Variants in UNC79 observed in about 807,000 individuals in gnomAD.
UNC79 encodes the protein protein unc-79 homolog.
A neutral mutation model predicts 283.1 loss-of-function variants in UNC79; 37 were observed. That is an observed-to-expected ratio of 0.13 (90% confidence interval 0.10 to 0.17). The LOEUF (loss-of-function observed/expected upper bound fraction) is 0.17, where lower values mean the gene tolerates loss of function less well. Among genes scored for constraint, UNC79 ranks in the 10% least tolerant of loss-of-function variants. The pLI is 1.00. For missense variants in UNC79, 2,272 were observed against 3,211.1 expected (o/e 0.71, Z 7.07); for synonymous variants, 1,107 against 1,200.2 (o/e 0.92, Z 1.61).
chr14:93,690,534 T>C lies in UNC79; in HGVS notation c.7272+231T>C, dbSNP rs1333625712. The C allele has an allele frequency of 1.1e-5, 5 of 450,264 alleles. No individual in the cohort carries two copies. The highest frequency in any genetic ancestry group is 1.5e-5 in the Non-Finnish European group (4 of 261,162). 27.9% of individuals were successfully genotyped at this position (450,264 alleles called of 1,614,324 possible). ...GGCTTACTTTTATAAAGATAAATCA[T>C]GGAGTCAAGCAAGAGTTGGCTTCCC... On this transcript the variant is annotated intron_variant, in intron 45 of 48. Coordinates refer to ENST00000555664, the Ensembl canonical transcript of UNC79. The surrounding 1 kb of genome is among the most constrained non-coding windows in gnomAD (Gnocchi z 4.3).
intron 7 of UNC79, among the ~76,000 whole-genome samples, chr14:93,522,789 A>G (rs376381367): frequency 1.3e-5 from 2 of 152,108 alleles, no homozygotes; most frequent in South Asian, 4.1e-4. Flanking sequence ...AAATAAATAG[A>G]CCTGTTGTAT....
chr14:93,517,413 G>T (rs1595721677), intron 7 of UNC79, among the ~76,000 whole-genome samples: 1 of 144,602 alleles, frequency 6.9e-6, no homozygotes, highest in African/African-American at 2.6e-5. Context: ...CCCAATCTTT[G>T]GGGAGAGTAT....
chr14:93,393,379 T>C (rs976118195), intron 1 of UNC79, among the ~76,000 whole-genome samples: 5 of 152,224 alleles, frequency 3.3e-5, no homozygotes, highest in Non-Finnish European at 7.3e-5. Flanking sequence ...CTGGTCCTTA[T>C]ATTTGATGAC....
intron 1 of UNC79, among the ~76,000 whole-genome samples, chr14:93,438,089 C>G (rs1050035099): frequency 6.6e-6 from 1 of 152,098 alleles, no homozygotes; most frequent in Non-Finnish European, 1.5e-5. Context: ...TTTGTGTCAA[C>G]TACCAAAACA....
intron 22 of UNC79, among the ~76,000 whole-genome samples, chr14:93,592,640 T>C (rs1245471802): frequency 1.3e-5 from 2 of 152,168 alleles, no homozygotes; most frequent in Non-Finnish European, 2.9e-5. Flanking sequence ...AAGGGTCAAC[T>C]GTAGTTTTGA....
rs541536288 is a variant in UNC79, at chr14:93,602,660, G to A, written c.3575-579G>A. ...GAAGAATGATGATGGTACTTTGATGGGAATTGCATTGAATCTGCTGCCCAG... is the reference window on the plus strand; with the variant it reads ...GAAGAATGATGATGGTACTTTGATGAGAATTGCATTGAATCTGCTGCCCAG... On this transcript the variant is annotated intron_variant, in intron 25 of 48. Transcript: ENST00000555664. Among the ~76,000 whole-genome samples, 5 of 152,188 alleles carry A rather than the reference G, an allele frequency of 3.3e-5. No individual in the cohort carries two copies. In the South Asian group the frequency reaches 1.0e-3, roughly 32 times the overall value.
exon 46 of UNC79, chr14:93,691,936 A>G: frequency 3.1e-6 from 5 of 1,614,198 alleles, no homozygotes; most frequent in East Asian, 2.2e-5. Context: ...CTAATGGCCC[A>G]TAACAAAGTG....
At chr14:93,421,546 TC>T (rs1217348094) in intron 1 of UNC79, among the ~76,000 whole-genome samples, 2 of 151,598 alleles carry the variant, frequency 1.3e-5, no homozygotes, top group African/African-American at 4.8e-5. Flanking sequence ...GTACCAGTCC[TC>T]TTCAAACATA....
intron 1 of UNC79, among the ~76,000 whole-genome samples, chr14:93,449,108 A>G (rs955416723): frequency 6.6e-6 from 1 of 152,044 alleles, no homozygotes. Context: ...CCATCCTTTC[A>G]TATTTAGTCC....
At chr14:93,640,305 C>A (rs1218666866) in intron 32 of UNC79, among the ~76,000 whole-genome samples, 1 of 152,174 alleles carries the variant, frequency 6.6e-6, no homozygotes, top group Non-Finnish European at 1.5e-5. Flanking sequence ...TTCAAAAAAA[C>A]TTGATATCAC....
intron 1 of UNC79, among the ~76,000 whole-genome samples, chr14:93,415,642 T>A (rs2055436965): frequency 6.6e-6 from 1 of 151,942 alleles, no homozygotes; most frequent in Non-Finnish European, 1.5e-5. Context: ...TGTGAATCCA[T>A]CTGGTCCTGG....
At chr14:93,348,592 G>T (rs1390233498) in intron 1 of UNC79, among the ~76,000 whole-genome samples, 1 of 150,984 alleles carries the variant, frequency 6.6e-6, no homozygotes, top group Non-Finnish European at 1.5e-5. Flanking sequence ...AATTTGCTGT[G>T]AGAAGTACAA....
chr14:93,345,522 TACTA>T (rs748172505), intron 1 of UNC79, among the ~76,000 whole-genome samples: 11 of 152,196 alleles, frequency 7.2e-5, no homozygotes, highest in Non-Finnish European at 1.5e-4. Context: ...ATCTATAAAA[TACTA>T]ACAGGTGACT....
At chr14:93,404,743 T>C (rs2055193054) in intron 1 of UNC79, among the ~76,000 whole-genome samples, 1 of 151,180 alleles carries the variant, frequency 6.6e-6, no homozygotes, top group Non-Finnish European at 1.5e-5. Flanking sequence ...AAGATTCAAC[T>C]CCTCTCTTAA....
At chr14:93,567,643 A>G (rs1161242750) in intron 14 of UNC79, among the ~76,000 whole-genome samples, 1 of 152,200 alleles carries the variant, frequency 6.6e-6, no homozygotes, top group African/African-American at 2.4e-5. Context: ...CAATTTGTGA[A>G]TTGTTTATTG....
At chr14:93,518,474 A>G (rs1449783568) in intron 7 of UNC79, among the ~76,000 whole-genome samples, 1 of 137,494 alleles carries the variant, frequency 7.3e-6, no homozygotes, top group African/African-American at 2.7e-5. Flanking sequence ...GCTGGGGCCT[A>G]TCAAGTTTTT....
Position 93,606,129 on chromosome 14 carries a change from C to T in UNC79, c.3754+2711C>T, listed in dbSNP as rs146759876. Among the ~76,000 whole-genome samples the T allele has an allele frequency of 9.9e-5, 15 of 152,246 alleles. No individual in the cohort carries two copies. In the East Asian group the frequency reaches 2.7e-3, roughly 27 times the overall value. ...TCTAGCTTGTCTCTTTGTCTTAAAG[C>T]TTAGCTGAGAAGCTAGTCTTTCATG... On this transcript the variant is annotated intron_variant, in intron 26 of 48. Transcript: ENST00000555664.
intron 22 of UNC79, among the ~76,000 whole-genome samples, chr14:93,589,073 T>C (rs2064459386): frequency 6.6e-6 from 1 of 152,122 alleles, no homozygotes; most frequent in Non-Finnish European, 1.5e-5. Flanking sequence ...TGGGACAGCC[T>C]GCACGAGGAA....
chr14:93,675,152 C>T (rs917697073), intron 41 of UNC79, among the ~76,000 whole-genome samples: 1 of 152,210 alleles, frequency 6.6e-6, no homozygotes, highest in Non-Finnish European at 1.5e-5. Context: ...TCTGACTCTT[C>T]AGCAGTATTT....
Sources: allele counts gnomAD v4.1 joint callset (sites outside exome capture counted in the v4.1 genomes callset), GRCh38; gene constraint gnomAD v4.1.1; non-coding constraint Gnocchi (gnomAD v3.1); transcripts MANE v1.5; gene names NCBI Gene and HGNC (gene_info 2026-07-23, HGNC 2026-07-21).